MITF: variants seen among roughly 807,000 people sequenced by gnomAD.
MITF encodes microphthalmia-associated transcription factor.
In MITF, 17 loss-of-function variants were observed where a neutral mutation model predicts 60.5. That is an observed-to-expected ratio of 0.28 (90% CI 0.19 to 0.42). The LOEUF (loss-of-function observed/expected upper bound fraction) is 0.42, where lower values mean the gene tolerates loss of function less well. MITF is among the 10% of genes least tolerant of loss of function. The probability of loss-of-function intolerance (pLI) is 1.00; values close to 1 mark genes in which losing one functional copy is unlikely to be tolerated. For synonymous variants in MITF, 260 were observed against 248.5 expected, an observed-to-expected ratio of 1.05 and a Z score of -0.43; for missense variants, 622 against 683.5, an observed-to-expected ratio of 0.91 and a Z score of 1.00.
At chr3:69,745,894 G>T (rs971531677) in intron 1 of MITF, among the ~76,000 whole-genome samples, 1 of 152,184 alleles carries the variant, frequency 6.6e-6, no homozygotes, top group Middle Eastern at 3.2e-3. Flanking sequence ...ATGTATAAAT[G>T]TGTTTAACAT....
chr3:69,832,318 C>G lies in MITF; in HGVS notation c.105-46816C>G, dbSNP rs568964508. ...AAGGACTGGGTGAGGCCAAAGAGGC[C>G]TCTTTCTGAGGATACGAAGTGAAGG... On this transcript the variant is annotated intron_variant, in intron 1 of 9. Coordinates refer to ENST00000352241, the MANE Select transcript of MITF (RefSeq NM_001354604.2). Among the ~76,000 whole-genome samples the G allele has an allele frequency of 7.1e-4, 108 of 152,262 alleles. 1 individual carries two copies. Among genetic ancestry groups the G allele is most frequent in the African/African-American group, 2.4e-3 (99 of 41,542 alleles).
chr3:69,750,424 A>G (rs538272223), intron 1 of MITF, among the ~76,000 whole-genome samples: 290 of 145,288 alleles, frequency 2.0e-3, no homozygotes, highest in Admixed American at 3.8e-3. Flanking sequence ...ACCAGTGAGT[A>G]ATTATTATCA....
chr3:69,832,756 A>G (rs965235667), intron 1 of MITF, among the ~76,000 whole-genome samples: 8 of 151,810 alleles, frequency 5.3e-5, no homozygotes, highest in Admixed American at 2.6e-4. Context: ...TTATTTCCCT[A>G]TTTACACTAT....
At chr3:69,785,129 G>A (rs1409760832) in intron 1 of MITF, among the ~76,000 whole-genome samples, 1 of 151,836 alleles carries the variant, frequency 6.6e-6, no homozygotes, top group Non-Finnish European at 1.5e-5. Context: ...TGGCTGCAGA[G>A]CTGGGCTGAT....
At chr3:69,870,320 G>GTATATA (rs141271675) in intron 1 of MITF, among the ~76,000 whole-genome samples, 3 of 146,982 alleles carry the variant, frequency 2.0e-5, no homozygotes, top group African/African-American at 7.5e-5. Flanking sequence ...ATATATACAT[G>GTATATA]TATATATACA....
chr3:69,743,169 G>GCCTGGGCC (rs1703595121), intron 1 of MITF, among the ~76,000 whole-genome samples: 1 of 152,146 alleles, frequency 6.6e-6, no homozygotes, highest in Non-Finnish European at 1.5e-5. Flanking sequence ...CTATCTATTA[G>GCCTGGGCC]AGGCCAGTAC....
chr3:69,753,670 ACATAGAGT>A (rs1393465150), intron 1 of MITF, among the ~76,000 whole-genome samples: 1 of 152,210 alleles, frequency 6.6e-6, no homozygotes, highest in East Asian at 1.9e-4. Context: ...TGGATGTGAG[ACATAGAGT>A]CAAAGGAGAT....
At chr3:69,820,094 G>C (rs2063244508) in intron 1 of MITF, among the ~76,000 whole-genome samples, 1 of 152,198 alleles carries the variant, frequency 6.6e-6, no homozygotes. Context: ...ATGCACACCA[G>C]ACCTCATAGA....
chr3:69,846,135 C>CT (rs3044615), intron 1 of MITF, among the ~76,000 whole-genome samples: 211 of 147,210 alleles, frequency 1.4e-3, no homozygotes, highest in East Asian at 0.014. Context: ...CTGCCTAGGG[C>CT]TTTTTTTTTT....
chr3:69,864,788 G>A (rs2064081550), intron 1 of MITF, among the ~76,000 whole-genome samples: 2 of 152,052 alleles, frequency 1.3e-5, no homozygotes, highest in Non-Finnish European at 2.9e-5. Context: ...GTGATAGTGA[G>A]TCTGCCTGCC....
chr3:69,880,790 A>G (rs915210614), intron 2 of MITF, among the ~76,000 whole-genome samples: 2 of 152,112 alleles, frequency 1.3e-5, no homozygotes, highest in African/African-American at 4.8e-5. Flanking sequence ...TGAATTAAAT[A>G]GTAACAAGAT....
intron 1 of MITF, among the ~76,000 whole-genome samples, chr3:69,795,600 C>T (rs2062814411): frequency 6.6e-6 from 1 of 152,014 alleles, no homozygotes; most frequent in Non-Finnish European, 1.5e-5. Flanking sequence ...GTGGTGTGTA[C>T]CTGTGGTCCC....
intron 1 of MITF, among the ~76,000 whole-genome samples, chr3:69,852,856 C>T (rs994170936): frequency 6.6e-6 from 1 of 152,002 alleles, no homozygotes; most frequent in Non-Finnish European, 1.5e-5. Context: ...CTGAAGAATA[C>T]GTAGTGTTTT....
At chr3:69,939,905 A>T (rs370444134) in intron 4 of MITF, among the ~76,000 whole-genome samples, 1 of 152,234 alleles carries the variant, frequency 6.6e-6, no homozygotes, top group South Asian at 2.1e-4. Context: ...GCCTATTTGC[A>T]TATTTACCAA....
chr3:69,956,615 A>T, intron 8 of MITF, 85 bp downstream of exon 8: 1 of 1,105,944 alleles, frequency 9.0e-7, no homozygotes, highest in East Asian at 2.4e-5. Context: ...GCAGTTGTAA[A>T]AACTAAAGTA....
intron 1 of MITF, among the ~76,000 whole-genome samples, chr3:69,819,733 A>C (rs192026922): frequency 8.3e-4 from 127 of 152,258 alleles, no homozygotes; most frequent in Non-Finnish European, 1.4e-3. Flanking sequence ...AGGCTGAGGC[A>C]GGTGGATCAC....
intron 1 of MITF, among the ~76,000 whole-genome samples, chr3:69,841,163 G>T (rs1446394952): frequency 6.6e-6 from 1 of 152,184 alleles, no homozygotes; most frequent in Non-Finnish European, 1.5e-5. Context: ...ATACATTCAA[G>T]ACTAGGCTTA....
chr3:69,808,725 C>A (rs2063052899), intron 1 of MITF, among the ~76,000 whole-genome samples: 1 of 152,076 alleles, frequency 6.6e-6, no homozygotes, highest in African/African-American at 2.4e-5. Flanking sequence ...GGGTTCACAC[C>A]ATGCAGGACC....
At chr3:69,854,705 T>C (rs933532911) in intron 1 of MITF, among the ~76,000 whole-genome samples, 4 of 152,180 alleles carry the variant, frequency 2.6e-5, no homozygotes, top group African/African-American at 9.7e-5. Context: ...AGCCAGATAT[T>C]CTTTCTTGTG....
Sources: allele counts gnomAD v4.1 joint callset (sites outside exome capture counted in the v4.1 genomes callset), GRCh38; gene constraint gnomAD v4.1.1; transcripts MANE v1.5; gene names NCBI Gene and HGNC (gene_info 2026-07-23, HGNC 2026-07-21).